PRELID2: variants seen among roughly 807,000 people sequenced by gnomAD.
The protein encoded by PRELID2 is PRELI domain-containing protein 2.
Under a neutral mutation model 28.4 loss-of-function variants are expected in PRELID2, and 25 were observed. The observed-to-expected ratio is 0.88, with a 90% CI of 0.64 to 1.23. The LOEUF (loss-of-function observed/expected upper bound fraction) is 1.23, where lower values mean the gene tolerates loss of function less well. Ranked by LOEUF, PRELID2 falls within the 50% of genes most tolerant of loss-of-function variation. The pLI is 0.00. For missense variants in PRELID2, 201 were observed against 214.4 expected, an observed-to-expected ratio of 0.94 and a Z score of 0.39; for synonymous variants, 76 against 71.6, an observed-to-expected ratio of 1.06 and a Z score of -0.31.
chr5:145,545,228 A>C (rs770472675), intron 1 of PRELID2, among the ~76,000 whole-genome samples: 4 of 152,086 alleles, frequency 2.6e-5, no homozygotes, highest in Non-Finnish European at 4.4e-5. Flanking sequence ...CAGTGCATCA[A>C]ATGACAAATT....
the PRELID2 span, among the ~76,000 whole-genome samples, chr5:145,291,304 T>C: frequency 8.2e-6 from 1 of 122,106 alleles, no homozygotes; most frequent in Admixed American, 1.1e-4. Context: ...ACTACTGCAC[T>C]CCAGCCTGGC....
chr5:145,740,321 A>ATAT (rs1561566210), intron 1 of PRELID2, among the ~76,000 whole-genome samples: 1 of 86,422 alleles, frequency 1.2e-5, no homozygotes, highest in East Asian at 3.4e-4. Context: ...TATATATATA[A>ATAT]ATCCTAAATG....
At chr5:145,708,215 T>C (rs1392496991) in intron 1 of PRELID2, among the ~76,000 whole-genome samples, 1 of 151,648 alleles carries the variant, frequency 6.6e-6, no homozygotes. Flanking sequence ...TTCAGAGTAA[T>C]ATTTGACCTA....
intron 1 of PRELID2, among the ~76,000 whole-genome samples, chr5:145,719,956 C>T (rs927813801): frequency 9.9e-5 from 15 of 151,460 alleles, no homozygotes; most frequent in African/African-American, 3.6e-4. Flanking sequence ...AAAAAGAAAT[C>T]TTCTCAGAAA....
chr5:145,367,145 C>T, the PRELID2 span, among the ~76,000 whole-genome samples: 1 of 132,526 alleles, frequency 7.5e-6, no homozygotes, highest in Admixed American at 6.9e-5. Flanking sequence ...TCTTTTCTCT[C>T]ATCTCATCTT....
the PRELID2 span, among the ~76,000 whole-genome samples, chr5:145,392,676 A>G: frequency 6.6e-6 from 1 of 152,080 alleles, no homozygotes; most frequent in African/African-American, 2.4e-5. Flanking sequence ...TGAAAGAGAA[A>G]GAAAGAGAGA....
chr5:145,587,039 T>C (rs937453416), intron 1 of PRELID2, among the ~76,000 whole-genome samples: 5 of 151,876 alleles, frequency 3.3e-5, no homozygotes, highest in African/African-American at 9.7e-5. Context: ...ATGCCAAGAG[T>C]CTATCTGGCC....
chr5:145,382,694 A>G, the PRELID2 span, among the ~76,000 whole-genome samples: 1 of 152,000 alleles, frequency 6.6e-6, no homozygotes, highest in African/African-American at 2.4e-5. Flanking sequence ...GCAGACCCAT[A>G]CTACAAAAAA....
intron 1 of PRELID2, among the ~76,000 whole-genome samples, chr5:145,742,305 T>A (rs1237260621): frequency 1.7e-5 from 2 of 119,808 alleles, no homozygotes; most frequent in Non-Finnish European, 3.3e-5. Flanking sequence ...TAAATATTTA[T>A]ATATATAAAT....
At chr5:145,591,175 G>A (rs543579484) in intron 1 of PRELID2, among the ~76,000 whole-genome samples, 8 of 151,464 alleles carry the variant, frequency 5.3e-5, no homozygotes, top group Admixed American at 4.6e-4. Context: ...GCATGCCTGG[G>A]GTCCCAGCTA....
rs192380574 is a variant in PRELID2 at position 145,810,955 on chromosome 5, A to T, written c.368+6939T>A. 4.8e-3 allele frequency among the ~76,000 whole-genome samples: 727 copies of T among 152,064 alleles called. 1 individual carries two copies. The highest frequency in any genetic ancestry group is 0.017 in the African/African-American group (697 of 41,480). ...GTATTAGTCCATTTTCATGCTGCTG[A>T]TAAAGACATACCTGAGACTGGGTAA... On this transcript the variant is annotated intron_variant, in intron 4 of 6. Coordinates refer to ENST00000683046, the MANE Select transcript of PRELID2 (RefSeq NM_205846.3).
At chr5:145,674,524 G>A (rs1260038111) in intron 1 of PRELID2, among the ~76,000 whole-genome samples, 1 of 152,198 alleles carries the variant, frequency 6.6e-6, no homozygotes, top group Non-Finnish European at 1.5e-5. Flanking sequence ...TCTGAAATTA[G>A]TTGGGAAAAG....
intron 1 of PRELID2, among the ~76,000 whole-genome samples, chr5:145,573,204 C>A (rs1243789276): frequency 6.6e-6 from 1 of 152,160 alleles, no homozygotes; most frequent in Non-Finnish European, 1.5e-5. Flanking sequence ...AATCTCTCCA[C>A]CACCGTCTTC....
chr5:145,377,560 CAT>C, the PRELID2 span, among the ~76,000 whole-genome samples: 2 of 152,094 alleles, frequency 1.3e-5, no homozygotes, highest in East Asian at 1.9e-4. Flanking sequence ...GTGTTGGTTG[CAT>C]ATATATTTAA....
the PRELID2 span, among the ~76,000 whole-genome samples, chr5:145,307,616 CTA>C: frequency 4.6e-5 from 7 of 152,114 alleles, no homozygotes; most frequent in African/African-American, 1.7e-4. Context: ...TACATTAGCT[CTA>C]TGTGGCATTT....
At chr5:145,374,134 C>T in the PRELID2 span, among the ~76,000 whole-genome samples, 9 of 151,470 alleles carry the variant, frequency 5.9e-5, no homozygotes, top group Non-Finnish European at 1.0e-4. Context: ...TTTTTCCTTT[C>T]CATATTTAGT....
intron 1 of PRELID2, among the ~76,000 whole-genome samples, chr5:145,558,851 A>G (rs187811496): frequency 3.5e-4 from 53 of 152,312 alleles, no homozygotes; most frequent in Admixed American, 8.5e-4. Flanking sequence ...GCAATTTGGC[A>G]AAATCTATGA....
the PRELID2 span, among the ~76,000 whole-genome samples, chr5:145,298,924 T>G: frequency 1.3e-5 from 2 of 152,176 alleles, no homozygotes; most frequent in Non-Finnish European, 2.9e-5. Context: ...AAATATTTTA[T>G]TTTGAAATGT....
the PRELID2 span, among the ~76,000 whole-genome samples, chr5:145,323,959 C>G: frequency 6.6e-6 from 1 of 152,150 alleles, no homozygotes; most frequent in Non-Finnish European, 1.5e-5. Flanking sequence ...TAATGATTTT[C>G]TTTCCTTTGG....
Sources: allele counts gnomAD v4.1 joint callset (sites outside exome capture counted in the v4.1 genomes callset), GRCh38; gene constraint gnomAD v4.1.1; transcripts MANE v1.5; gene names NCBI Gene and HGNC (gene_info 2026-07-23, HGNC 2026-07-21).